AAK1: variants seen among roughly 807,000 people sequenced by gnomAD.
AAK1 encodes the protein AP2-associated protein kinase 1.
A neutral mutation model predicts 116.0 loss-of-function variants in AAK1; 37 were observed. That is an observed-to-expected ratio of 0.32 (90% CI 0.25 to 0.42). The LOEUF is 0.42. Ranked by LOEUF, AAK1 falls within the 10% of genes least tolerant of loss-of-function variation. The pLI, the probability that AAK1 is intolerant of heterozygous loss-of-function variation, is 1.00. For missense variants in AAK1, 919 were observed against 1,170.6 expected (o/e 0.79, Z 3.14); for synonymous variants, 458 against 439.9 (o/e 1.04, Z -0.51).
At chr2:69,592,344 C>A (rs1425814013) in intron 2 of AAK1, among the ~76,000 whole-genome samples, 1 of 152,128 alleles carries the variant, frequency 6.6e-6, no homozygotes. Flanking sequence ...CCAGTTGTCA[C>A]AACTGGGGAG....
chr2:69,547,270 T>A (rs1670966268), intron 3 of AAK1, among the ~76,000 whole-genome samples: 1 of 152,212 alleles, frequency 6.6e-6, no homozygotes, highest in Non-Finnish European at 1.5e-5. Context: ...AATTGCACTT[T>A]ATTGAAATTA....
intron 2 of AAK1, among the ~76,000 whole-genome samples, chr2:69,632,727 T>C (rs917744825): frequency 6.6e-6 from 1 of 151,728 alleles, no homozygotes; most frequent in African/African-American, 2.4e-5. Flanking sequence ...TGAAACCCCG[T>C]CTCTACTAAA....
chr2:69,566,045 A>C (rs564644214), intron 2 of AAK1, among the ~76,000 whole-genome samples: 121 of 152,048 alleles, frequency 8.0e-4, no homozygotes, highest in Middle Eastern at 3.4e-3. Flanking sequence ...TGTCCTCTCC[A>C]CAGTGAGAAC....
chr2:69,567,555 C>A (rs965903188), intron 2 of AAK1, among the ~76,000 whole-genome samples: 4 of 151,896 alleles, frequency 2.6e-5, no homozygotes, highest in Non-Finnish European at 5.9e-5. Context: ...ATAAAGGATA[C>A]CAATAAAAAA....
At chr2:69,582,000 T>C (rs77633666) in intron 2 of AAK1, among the ~76,000 whole-genome samples, 3,197 of 152,182 alleles carry the variant, frequency 0.021, 100 homozygotes, top group African/African-American at 0.07. Flanking sequence ...AAGTGCATTT[T>C]TGAAGATAAA....
rs749057808 is a variant in AAK1 at position 69,505,591 on chromosome 2, C to T, written c.2247G>A (p.Thr749=). The T allele has an allele frequency of 1.2e-4, 200 of 1,613,474 alleles. No individual in the cohort carries two copies. Among genetic ancestry groups the T allele is most frequent in the East Asian group, 3.3e-4 (15 of 44,872 alleles). ...AACCAGTTCCAGCAGAAAATGAGGT[C>T]GTAGCAAAAGCATCACCTTGGGTTG... The part of the protein sequence containing the change: ...FQSTQGDAFA[T]TSFSAGTAEK... The change falls in exon 16 of 22, where the codon ACG becomes ACA. Residue 749 remains threonine, a synonymous_variant. Coordinates refer to ENST00000409085, the MANE Select transcript of AAK1 (RefSeq NM_014911.5).
At chr2:69,606,584 C>T (rs916110479) in intron 2 of AAK1, among the ~76,000 whole-genome samples, 10 of 152,150 alleles carry the variant, frequency 6.6e-5, no homozygotes, top group Non-Finnish European at 1.3e-4. Context: ...GTCCTGCTGC[C>T]GCTGAATGAC....
chr2:69,626,972 C>T (rs145034330), intron 2 of AAK1, among the ~76,000 whole-genome samples: 2 of 152,108 alleles, frequency 1.3e-5, no homozygotes, highest in African/African-American at 4.8e-5. Context: ...ACTGGGGATC[C>T]AGCCATGAAC....
At chr2:69,588,903 A>G (rs1324680943) in intron 2 of AAK1, among the ~76,000 whole-genome samples, 1 of 152,200 alleles carries the variant, frequency 6.6e-6, no homozygotes, top group East Asian at 1.9e-4. Context: ...TAAATGAAAG[A>G]ACTGCTACCA....
Position 69,474,468 on chromosome 2 carries a change from T to G in AAK1, c.*1401A>C. 1.0e-6 allele frequency: 1 copy of G among 985,632 alleles called. No homozygotes were observed. The highest frequency in any genetic ancestry group is 1.7e-5 in the African/African-American group (1 of 57,352). 61.1% of individuals were successfully genotyped at this position (985,632 alleles called of 1,614,324 possible). The stretch of plus-strand genomic sequence containing the variant: ...AGGGTGACCATGAGGCATGTTGTCA[T>G]GTTAGTGCAGGGGCCTTTATTTATT... On this transcript the variant is annotated 3_prime_UTR_variant, in exon 22 of 22. Transcript: ENST00000409085.
At chr2:69,583,404 T>C (rs1672626784) in intron 2 of AAK1, among the ~76,000 whole-genome samples, 2 of 152,220 alleles carry the variant, frequency 1.3e-5, no homozygotes, top group Admixed American at 6.5e-5. Flanking sequence ...GAAGCATTAC[T>C]TCCTTGGGGA....
In AAK1 at chr2:69,466,857, T is replaced by A; in HGVS notation, c.*9012A>T. 11 of 985,396 alleles carry A rather than the reference T, an allele frequency of 1.1e-5. No homozygotes were observed. Among genetic ancestry groups the A allele is most frequent in the Non-Finnish European group, 1.3e-5 (11 of 829,914 alleles). The allele number at this position is 985,396 out of a possible 1,614,324, so 61.0% of individuals were successfully genotyped here. ...ACACACAGGGCCAGGCACGGACACC[T>A]GCTCTACCTGGCACTGGCTCATTAT... On this transcript the variant is annotated 3_prime_UTR_variant, in exon 22 of 22. Coordinates refer to ENST00000409085, the MANE Select transcript of AAK1 (RefSeq NM_014911.5).
At chr2:69,566,436 T>C (rs1019716090) in intron 2 of AAK1, among the ~76,000 whole-genome samples, 21 of 151,998 alleles carry the variant, frequency 1.4e-4, no homozygotes, top group Admixed American at 9.2e-4. Flanking sequence ...CCCAAGCAGA[T>C]AGAACACCCA....
chr2:69,511,336 T>A (rs904054343), intron 13 of AAK1, among the ~76,000 whole-genome samples: 1 of 152,252 alleles, frequency 6.6e-6, no homozygotes, highest in African/African-American at 2.4e-5. Flanking sequence ...TAAGGTAGAC[T>A]ATGTACACAT....
At chr2:69,509,097 TAAAC>T (rs1171789335) in intron 14 of AAK1, 130 bp downstream of exon 14, 29 of 711,910 alleles carry the variant, frequency 4.1e-5, no homozygotes, top group South Asian at 4.0e-4. Flanking sequence ...ACCAGAAAAA[TAAAC>T]AAACACAAGT....
At chr2:69,609,273 G>A (rs1673953175) in intron 2 of AAK1, among the ~76,000 whole-genome samples, 1 of 152,172 alleles carries the variant, frequency 6.6e-6, no homozygotes, top group African/African-American at 2.4e-5. Flanking sequence ...TGAGGTGGGA[G>A]AATCACCTAA....
chr2:69,465,938 G>GGTCT lies in AAK1; in HGVS notation c.*9930_*9931insAGAC. ...CGGTCTGTGCAGGCAGCTCCTGGGA[G>GGTCT]GTGCATTGGATAACTGTTAACTCCT... On this transcript the variant is annotated 3_prime_UTR_variant, in exon 22 of 22. Coordinates refer to ENST00000409085, the MANE Select transcript of AAK1 (RefSeq NM_014911.5). 1 of 1,290,876 alleles carries GGTCT rather than the reference G, an allele frequency of 7.7e-7. No individual in the cohort carries two copies. Among genetic ancestry groups the GGTCT allele is most frequent in the South Asian group, 1.2e-5 (1 of 81,022 alleles). 80.0% of individuals were successfully genotyped at this position (1,290,876 alleles called of 1,614,324 possible).
intron 2 of AAK1, among the ~76,000 whole-genome samples, chr2:69,570,959 G>A (rs564741041): frequency 7.3e-5 from 11 of 149,780 alleles, no homozygotes; most frequent in Admixed American, 6.0e-4. Flanking sequence ...TAAGTTTGGT[G>A]TAGATCAAAC....
At chr2:69,494,775 T>C (rs1255720709) in intron 17 of AAK1, among the ~76,000 whole-genome samples, 1 of 152,172 alleles carries the variant, frequency 6.6e-6, no homozygotes, top group Non-Finnish European at 1.5e-5. Flanking sequence ...CTTAGTGGTT[T>C]TCGATATTTT....
Sources: gnomAD v4.1 joint callset for allele counts (sites outside exome capture counted in the v4.1 genomes callset) on GRCh38, gnomAD v4.1.1 for gene constraint, MANE v1.5 for transcripts, NCBI Gene and HGNC (gene_info 2026-07-23, HGNC 2026-07-21) for gene names.